The following HEATR3 variants were observed in gnomAD, a reference collection of about 807,000 sequenced individuals.
The protein encoded by HEATR3 is HEAT repeat containing 3.
Under a neutral mutation model 72.8 loss-of-function variants are expected in HEATR3, and 56 were observed. The observed-to-expected ratio is 0.77, with a 90% confidence interval of 0.62 to 0.96. HEATR3 has a LOEUF of 0.96. Among genes scored for constraint, HEATR3 ranks in the 40% least tolerant of loss-of-function variants. The probability of loss-of-function intolerance (pLI) is 0.00; values close to 1 mark genes in which losing one functional copy is unlikely to be tolerated. For missense variants in HEATR3, 747 were observed against 831.4 expected (o/e 0.90, Z 1.25); for synonymous variants, 331 against 318.1 (o/e 1.04, Z -0.43).
intron 7 of HEATR3, among the ~76,000 whole-genome samples, chr16:50,082,691 G>A (rs1353703565): frequency 6.0e-5 from 9 of 149,706 alleles, no homozygotes; most frequent in Non-Finnish European, 8.9e-5. Context: ...GGAGGCTGAG[G>A]TGGGAGGATT....
chr16:50,078,330 ACT>A (rs1239529946), intron 6 of HEATR3, among the ~76,000 whole-genome samples: 2 of 152,082 alleles, frequency 1.3e-5, no homozygotes, highest in African/African-American at 4.8e-5. Flanking sequence ...TTAAGAACCT[ACT>A]CTCATGTTTA....
chr16:50,106,619 G>C lies in HEATR3; in HGVS notation c.*1558G>C, dbSNP rs554217975. The C allele has an allele frequency of 1.8e-4, 28 of 152,112 alleles. No homozygotes were observed. Among genetic ancestry groups the C allele is most frequent in the Non-Finnish European group, 3.8e-4 (26 of 68,038 alleles). 9.4% of individuals were successfully genotyped at this position (152,112 alleles called of 1,614,324 possible). A position where few individuals can be genotyped will look rare whatever the true frequency, so the allele number is the denominator to read the frequency against. On this transcript the variant is annotated 3_prime_UTR_variant, in exon 15 of 15. Transcript: ENST00000299192. ...CCCTGTGCATCATTGTCTCGGCTGG[G>C]CCTCTGAACCGGCTTCATTGTCCAT... is the stretch of plus-strand genomic sequence containing the variant.
rs544037412 is a variant in HEATR3, at chr16:50,082,923, T to C, written c.1042-1014T>C. 4.7e-3 allele frequency among the ~76,000 whole-genome samples: 719 copies of C among 152,266 alleles called. 7 individuals carry two copies. The highest frequency in any genetic ancestry group is 0.014 in the Admixed American group (207 of 15,294). On this transcript the variant is annotated intron_variant, in intron 7 of 14. Transcript: ENST00000299192. ...CTCCTGCCTTGGCCTCCCAAGTAGC[T>C]GGGATTACAGGCATGCACCGCCATG...
chr16:50,074,788 C>T (rs1172391118), intron 5 of HEATR3: 3 of 151,376 alleles, frequency 2.0e-5, no homozygotes, highest in African/African-American at 7.3e-5. Context: ...CGAGACCATC[C>T]TGGCTGACAA....
chr16:50,075,773 G>A, intron 6 of HEATR3, 62 bp downstream of exon 6: 1 of 1,461,880 alleles, frequency 6.8e-7, no homozygotes, highest in Non-Finnish European at 9.4e-7. Context: ...GATGTGGTGG[G>A]GGCAAAATTT....
rs1160753860 is a variant in HEATR3, at chr16:50,070,228, T to C, written c.450T>C (p.Asp150=). The stretch of plus-strand genomic sequence containing the variant: ...AGATGTCTCTGCAGGAGAAAAAAGA[T>C]CAGAACAGAAATTCTATTGAGAACA... ...SNEMSLQEKK[D]QNRNSIENIA... is the part of the protein sequence containing the mutation. Residue 150 remains aspartate (D), a synonymous_variant, in exon 4 of 15, where the codon GAT becomes GAC. Transcript: ENST00000299192. 6.2e-7 allele frequency: 1 copy of C among 1,611,054 alleles called. No homozygotes were observed. The highest frequency in any genetic ancestry group is 1.3e-5 in the African/African-American group (1 of 74,876).
intron 2 of HEATR3, 80 bp from the exon 3 acceptor site, chr16:50,068,699 TA>T: frequency 1.1e-6 from 1 of 880,700 alleles, no homozygotes; most frequent in Non-Finnish European, 1.6e-6. Flanking sequence ...TAAATATGGC[TA>T]AAAATAGAAA....
intron 10 of HEATR3, among the ~76,000 whole-genome samples, chr16:50,085,495 A>C (rs12935483): frequency 1.3e-5 from 2 of 151,694 alleles, no homozygotes; most frequent in African/African-American, 4.8e-5. Context: ...TTAGCCTGGC[A>C]TAGTGGCACT....
chr16:50,066,460 C>G lies in HEATR3; in HGVS notation c.232C>G (p.Arg78Gly), dbSNP rs1567421821. ...GCCGGCACTCCCGGGCCTGGCGCGA[C>G]GAGACGCCGTGCGCCGCCTCGGGCC... The part of the protein sequence containing the change: ...QRPALPGLAR[R>G]DAVRRLGPLL... Residue 78 changes from arginine to glycine, a missense_variant, in exon 2 of 15, where the codon CGA becomes GGA. Arg to Gly is a moderately radical substitution (Grantham distance 125). Coordinates refer to ENST00000299192, the MANE Select transcript of HEATR3 (RefSeq NM_182922.4). The G allele has an allele frequency of 3.7e-6, 5 of 1,367,550 alleles. No homozygotes were observed. Among genetic ancestry groups the G allele is most frequent in the Admixed American group, 4.0e-5 (1 of 25,214 alleles). 84.7% of individuals were successfully genotyped at this position (1,367,550 alleles called of 1,614,324 possible). A position where few individuals can be genotyped will look rare whatever the true frequency, so the allele number is the denominator to read the frequency against.
At chr16:50,084,079 TC>T in intron 8 of HEATR3, 52 bp downstream of exon 8, 1 of 1,613,890 alleles carries the variant, frequency 6.2e-7, no homozygotes, top group Non-Finnish European at 8.5e-7. Context: ...AGAGGGAAAC[TC>T]CCGTGGAGAT....
Position 50,066,558 on chromosome 16 carries a change from G to A in HEATR3, c.311+19G>A. 1 of 1,282,478 alleles carries A rather than the reference G, an allele frequency of 7.8e-7. No homozygotes were observed. Among genetic ancestry groups the A allele is most frequent in the Non-Finnish European group, 9.8e-7 (1 of 1,018,136 alleles). 79.4% of individuals were successfully genotyped at this position (1,282,478 alleles called of 1,614,324 possible). A position where few individuals can be genotyped will look rare whatever the true frequency, so the allele number is the denominator to read the frequency against. On this transcript the variant is annotated intron_variant, in intron 2 of 14. Transcript: ENST00000299192. ...CGCTGAGGTGAGCCAGGAAGGGTGCGGGGCGGTGCCCACCGCTGGCCTCCC... is the reference window on the plus strand; with the variant it reads ...CGCTGAGGTGAGCCAGGAAGGGTGCAGGGCGGTGCCCACCGCTGGCCTCCC...
chr16:50,099,534 C>T (rs1019314550), intron 12 of HEATR3, among the ~76,000 whole-genome samples: 5 of 152,160 alleles, frequency 3.3e-5, no homozygotes, highest in Non-Finnish European at 7.4e-5. Flanking sequence ...TCTCCAGATT[C>T]CAAGCCTTTG....
At chr16:50,095,031 C>T (rs1456767035) in intron 12 of HEATR3, among the ~76,000 whole-genome samples, 1 of 152,062 alleles carries the variant, frequency 6.6e-6, no homozygotes, top group African/African-American at 2.4e-5. Context: ...TATAGGCTTA[C>T]TAGCAAAACA....
intron 6 of HEATR3, among the ~76,000 whole-genome samples, chr16:50,077,814 G>A (rs1304859499): frequency 1.3e-5 from 2 of 151,414 alleles, no homozygotes; most frequent in Non-Finnish European, 2.9e-5. Flanking sequence ...ATCTGTTGAT[G>A]GACACTTGGG....
intron 11 of HEATR3, among the ~76,000 whole-genome samples, chr16:50,090,611 ATTTC>A (rs2037088078): frequency 6.6e-6 from 1 of 151,942 alleles, no homozygotes; most frequent in Non-Finnish European, 1.5e-5. Flanking sequence ...AAAAGCACTA[ATTTC>A]TTTGTCTCCT....
At chr16:50,102,623 T>C (rs971594637) in intron 14 of HEATR3, among the ~76,000 whole-genome samples, 188 bp downstream of exon 14, 1 of 152,184 alleles carries the variant, frequency 6.6e-6, no homozygotes, top group Admixed American at 6.6e-5. Flanking sequence ...TACTGAATCA[T>C]TGAAACTGAA....
At chr16:50,099,129 C>A (rs1251279810) in intron 12 of HEATR3, among the ~76,000 whole-genome samples, 2 of 152,148 alleles carry the variant, frequency 1.3e-5, no homozygotes, top group African/African-American at 4.8e-5. Context: ...CATAATTTGA[C>A]CCTCAGTTTC....
rs756514922 is a variant in HEATR3, at chr16:50,084,213, C to T, written c.1212C>T (p.Cys404=). The T allele has an allele frequency of 1.7e-5, 28 of 1,613,864 alleles. No individual in the cohort carries two copies. The highest frequency in any genetic ancestry group is 2.2e-5 in the South Asian group (2 of 91,092). The change falls in exon 9 of 15, where the codon TGC becomes TGT. Residue 404 remains cysteine (C), a synonymous_variant. Transcript: ENST00000299192. The part of the protein sequence containing the change: ...DAFMENSFSE[C]GGQLFSPLCL... ...TTATGGAGAATTCCTTCAGTGAGTG[C>T]GGGGGACAGCTGTTTTCTCCCCTCT...
chr16:50,106,233 T>G lies in HEATR3; in HGVS notation c.*1172T>G, dbSNP rs1441063439. The G allele has an allele frequency of 2.0e-5, 3 of 152,196 alleles. No homozygotes were observed. Among genetic ancestry groups the G allele is most frequent in the Non-Finnish European group, 4.4e-5 (3 of 68,036 alleles). The allele number at this position is 152,196 out of a possible 1,614,324, so 9.4% of individuals were successfully genotyped here. Reference sequence around the variant, plus strand: ...TAAATGAGTTGAATTTCTATTTCACTTACTAGATTATACTAATGAGCTAAT... The same window carrying G: ...TAAATGAGTTGAATTTCTATTTCACGTACTAGATTATACTAATGAGCTAAT... On this transcript the variant is annotated 3_prime_UTR_variant, in exon 15 of 15. Coordinates refer to ENST00000299192, the MANE Select transcript of HEATR3 (RefSeq NM_182922.4).
Sources: allele counts gnomAD v4.1 joint callset (sites outside exome capture counted in the v4.1 genomes callset), GRCh38; gene constraint gnomAD v4.1.1; transcripts MANE v1.5; gene names NCBI Gene and HGNC (gene_info 2026-07-23, HGNC 2026-07-21).